Variants in DNTT observed in about 807,000 individuals in gnomAD.
The protein encoded by DNTT is DNA nucleotidylexotransferase.
Under a neutral mutation model 60.9 loss-of-function variants are expected in DNTT, and 47 were observed. That is an observed-to-expected ratio of 0.77 (90% CI 0.61 to 0.98). The LOEUF (loss-of-function observed/expected upper bound fraction) is 0.98, where lower values mean the gene tolerates loss of function less well. Ranked by LOEUF, DNTT falls within the 50% of genes least tolerant of loss-of-function variation. The pLI is 0.00. For synonymous variants in DNTT, 224 were observed against 221.2 expected, an observed-to-expected ratio of 1.01 and a Z score of -0.11; for missense variants, 665 against 627.5, an observed-to-expected ratio of 1.06 and a Z score of -0.64.
Position 96,328,784 on chromosome 10 carries a change from A to G in DNTT, c.1067A>G (p.Asp356Gly), listed in dbSNP as rs1328796471. The change falls in exon 8 of 11, where the codon GAT becomes GGT. Residue 356 changes from aspartate to glycine, a missense_variant. Transcript: ENST00000371174. ...FLITSPGSTEDEEQLLQKVMN... is the reference protein window; with the variant it reads ...FLITSPGSTEGEEQLLQKVMN... ...ATTACCAGCCCAGGATCAACAGAGG[A>G]TGAAGAGCAACTTTTACAGAAAGTG... 6 of 1,613,864 alleles carry G rather than the reference A, an allele frequency of 3.7e-6. No individual in the cohort carries two copies. In the East Asian group the frequency reaches 1.3e-4, roughly 36 times the overall value.
chr10:96,307,566 G>T (rs1844654583), intron 1 of DNTT, among the ~76,000 whole-genome samples: 1 of 149,768 alleles, frequency 6.7e-6, no homozygotes. Flanking sequence ...ATGTTGGCCA[G>T]GATGGTCTCG....
chr10:96,332,602 T>C lies in DNTT; in HGVS notation c.1359+6T>C, dbSNP rs760970059. 3.1e-6 allele frequency: 5 copies of C among 1,612,910 alleles called. No homozygotes were observed. The highest frequency in any genetic ancestry group is 4.2e-6 in the Non-Finnish European group (5 of 1,179,450). ...TGGGATGGACTGGCTCCCGGGTAAG[T>C]GCTACATGGACCCATGGGATGATGT... On this transcript the variant is annotated splice_donor_region_variant and intron_variant, in intron 9 of 10. Coordinates refer to ENST00000371174, the MANE Select transcript of DNTT (RefSeq NM_004088.4).
chr10:96,334,225 G>A (rs554691746), intron 9 of DNTT, among the ~76,000 whole-genome samples: 1 of 152,304 alleles, frequency 6.6e-6, no homozygotes, highest in South Asian at 2.1e-4. Flanking sequence ...TCTTGGACAA[G>A]TTCTCTATAT....
rs1181227244 is a variant in DNTT, at chr10:96,320,606, T to C, written c.508-12T>C. 7 of 1,613,004 alleles carry C rather than the reference T, an allele frequency of 4.3e-6. No individual in the cohort carries two copies. In the South Asian group the frequency reaches 7.7e-5, roughly 18 times the overall value. ...GAAGCAAATCTCCTGCTTATCTGGT[T>C]TTATCCTGCAGGATGCCTTTGATAT... is the stretch of plus-strand genomic sequence containing the variant. On this transcript the variant is annotated splice_polypyrimidine_tract_variant and intron_variant, in intron 3 of 10. Transcript: ENST00000371174.
In DNTT at chr10:96,332,579, G is replaced by A. The variant is rs771517553; in HGVS notation, c.1342G>A (p.Gly448Arg). Reference sequence around the variant, plus strand: ...CGAGCGTCGTGCCTTTGCCCTGTTGGGATGGACTGGCTCCCGGGTAAGTGC... The same window carrying A: ...CGAGCGTCGTGCCTTTGCCCTGTTGAGATGGACTGGCTCCCGGGTAAGTGC... The part of the protein sequence containing the change: ...PYERRAFALL[G>R]WTGSRQFERD... Residue 448 changes from glycine (G) to arginine (R), a missense_variant, in exon 9 of 11, where the codon GGA becomes AGA. Physicochemically the swap from Gly to Arg is moderately radical, Grantham distance 125. Transcript: ENST00000371174. The A allele has an allele frequency of 3.7e-6, 6 of 1,613,210 alleles. No individual in the cohort carries two copies. Among genetic ancestry groups the A allele is most frequent in the Admixed American group, 3.3e-5 (2 of 59,932 alleles).
intron 1 of DNTT, among the ~76,000 whole-genome samples, chr10:96,315,946 T>A (rs377576628): frequency 6.6e-6 from 1 of 152,158 alleles, no homozygotes; most frequent in East Asian, 1.9e-4. Context: ...TCTTGTAGAA[T>A]GTTGCTTTGC....
At chr10:96,323,121 G>A (rs1340119301) in intron 5 of DNTT, among the ~76,000 whole-genome samples, 2 of 152,166 alleles carry the variant, frequency 1.3e-5, no homozygotes, top group Non-Finnish European at 1.5e-5. Flanking sequence ...GGCCAACATG[G>A]TGAAACCCCA....
At chr10:96,314,291 G>T (rs985209871) in intron 1 of DNTT, among the ~76,000 whole-genome samples, 4 of 151,578 alleles carry the variant, frequency 2.6e-5, no homozygotes. Context: ...CAAAGTCATG[G>T]ATGGCCAAGC....
intron 9 of DNTT, among the ~76,000 whole-genome samples, chr10:96,334,655 A>G (rs958752655): frequency 6.6e-6 from 1 of 152,216 alleles, no homozygotes; most frequent in African/African-American, 2.4e-5. Flanking sequence ...TCTTACTCTA[A>G]TCACAAATGT....
chr10:96,337,868 C>T (rs914772793), intron 10 of DNTT, among the ~76,000 whole-genome samples: 3 of 152,224 alleles, frequency 2.0e-5, no homozygotes, highest in African/African-American at 2.4e-5. Flanking sequence ...TTCTAATAAA[C>T]AGCTGTGGTT....
intron 1 of DNTT, among the ~76,000 whole-genome samples, chr10:96,307,102 A>T (rs930713487): frequency 2.0e-5 from 3 of 152,212 alleles, no homozygotes; most frequent in African/African-American, 7.2e-5. Context: ...GTGCTTTGAT[A>T]AATTAAAACA....
In DNTT at chr10:96,338,534, G is replaced by C. The variant is rs1845099655; in HGVS notation, c.*310G>C. On this transcript the variant is annotated 3_prime_UTR_variant, in exon 11 of 11. Coordinates refer to ENST00000371174, the MANE Select transcript of DNTT (RefSeq NM_004088.4). ...TTGTTCGCAGTGTAGCTGAAATACTGTCTATCTCTAATAAAAACAGGAGGA... is the reference window on the plus strand; with the variant it reads ...TTGTTCGCAGTGTAGCTGAAATACTCTCTATCTCTAATAAAAACAGGAGGA... 2 of 204,874 alleles carry C rather than the reference G, an allele frequency of 9.8e-6. No individual in the cohort carries two copies. The highest frequency in any genetic ancestry group is 4.6e-5 in the African/African-American group (2 of 43,136). The allele number at this position is 204,874 out of a possible 1,614,324, so 12.7% of individuals were successfully genotyped here. A position where few individuals can be genotyped will look rare whatever the true frequency, so the allele number is the denominator to read the frequency against.
rs775186092 is a variant in DNTT at position 96,338,246 on chromosome 10, T to C, written c.*22T>C. ...CTAGGAAAGTGTTGTCAACATTTTT[T>C]TCCTATTCTTTTCAAGTTAAATAAA... On this transcript the variant is annotated 3_prime_UTR_variant, in exon 11 of 11. Coordinates refer to ENST00000371174, the MANE Select transcript of DNTT (RefSeq NM_004088.4). 4.4e-6 allele frequency: 7 copies of C among 1,593,002 alleles called. No individual in the cohort carries two copies. The highest frequency in any genetic ancestry group is 1.4e-5 in the African/African-American group (1 of 74,018).
At chr10:96,332,277 A>T (rs59794161) in intron 8 of DNTT, 74 bp from the exon 9 acceptor site, 60,207 of 1,556,188 alleles carry the variant, frequency 0.039, 4,488 homozygotes, top group African/African-American at 0.32. Context: ...AAAAGATTTC[A>T]TTAAGAATCC....
intron 2 of DNTT, among the ~76,000 whole-genome samples, chr10:96,318,913 A>AAAACAAAACAAAACAAAAC (rs1252637686): frequency 2.6e-5 from 4 of 152,038 alleles, no homozygotes; most frequent in Non-Finnish European, 5.9e-5. Flanking sequence ...GATCATTCAG[A>AAAACAAAACAAAACAAAAC]AAACAAAACA....
chr10:96,322,579 T>A, intron 4 of DNTT, 78 bp from the exon 5 acceptor site: 1 of 1,189,456 alleles, frequency 8.4e-7, no homozygotes, highest in Non-Finnish European at 1.2e-6. Flanking sequence ...ACCAAACTAC[T>A]AGGTCCATGA....
chr10:96,328,616 C>A (rs1391029470), intron 7 of DNTT, 109 bp from the exon 8 acceptor site: 8 of 1,037,070 alleles, frequency 7.7e-6, no homozygotes, highest in Non-Finnish European at 8.3e-6. Flanking sequence ...AAGTCAAGAA[C>A]CTTCTATGTT....
chr10:96,318,883 T>C (rs996223322), intron 2 of DNTT, among the ~76,000 whole-genome samples: 24 of 152,134 alleles, frequency 1.6e-4, no homozygotes, highest in Admixed American at 9.8e-4. Context: ...AGCAGGAGAT[T>C]CCTTTTTTTC....
At position 96,307,772 on chromosome 10, in the gene DNTT, TA is replaced by T. The variant is rs1386605865; in HGVS notation, c.203+3073del. Among the ~76,000 whole-genome samples the T allele has an allele frequency of 5.4e-3, 599 of 111,330 alleles. 18 individuals carry two copies. Among genetic ancestry groups the T allele is most frequent in the East Asian group, 0.014 (37 of 2,610 alleles). The allele number at this position is 111,330 out of a possible 152,430, so 73.0% of individuals were successfully genotyped here. On this transcript the variant is annotated intron_variant, in intron 1 of 10. Coordinates refer to ENST00000371174, the MANE Select transcript of DNTT (RefSeq NM_004088.4). ...GTGTGTGTGTGCATATATATATATA[TA>T]TATATTTTTTTTTTTTGAGGCAGGG...
Sources: gnomAD v4.1 joint callset for allele counts (sites outside exome capture counted in the v4.1 genomes callset) on GRCh38, gnomAD v4.1.1 for gene constraint, MANE v1.5 for transcripts, NCBI Gene and HGNC (gene_info 2026-07-23, HGNC 2026-07-21) for gene names.